The following NDFIP2 variants were observed in gnomAD, a reference collection of about 807,000 sequenced individuals.
NDFIP2 encodes the protein NEDD4 family-interacting protein 2.
In NDFIP2, 19 loss-of-function variants were observed where a neutral mutation model predicts 36.0. The ratio of observed to expected loss-of-function variants is 0.53; its 90% confidence interval spans 0.37 to 0.77. NDFIP2 has a LOEUF of 0.77. NDFIP2 is among the 30% of genes least tolerant of loss of function. The pLI, the probability that NDFIP2 is intolerant of heterozygous loss-of-function variation, is 0.00. For missense variants in NDFIP2, 446 were observed against 435.8 expected, an observed-to-expected ratio of 1.02 and a Z score of -0.21; for synonymous variants, 181 against 167.7, an observed-to-expected ratio of 1.08 and a Z score of -0.61.
chr13:79,521,406 C>T (rs9574434), intron 2 of NDFIP2, among the ~76,000 whole-genome samples: 61,980 of 151,986 alleles, frequency 0.41, 13,460 homozygotes, highest in East Asian at 0.7. Context: ...TCAGTTTGAT[C>T]AGTTTTGTAT....
intron 2 of NDFIP2, among the ~76,000 whole-genome samples, chr13:79,524,890 C>T (rs929525325): frequency 6.6e-6 from 1 of 152,162 alleles, no homozygotes; most frequent in Non-Finnish European, 1.5e-5. Context: ...ATGTTTTATG[C>T]CTTGATGCCT....
intron 1 of NDFIP2, among the ~76,000 whole-genome samples, chr13:79,496,837 TTTA>T (rs555587122): frequency 8.7e-4 from 133 of 152,150 alleles, no homozygotes; most frequent in Non-Finnish European, 1.5e-3. Context: ...TTATTTCATA[TTTA>T]TTATTTTTCC....
intron 1 of NDFIP2, among the ~76,000 whole-genome samples, chr13:79,487,651 T>A (rs1403550227): frequency 6.6e-6 from 1 of 152,182 alleles, no homozygotes; most frequent in Non-Finnish European, 1.5e-5. Flanking sequence ...CATTTTACAC[T>A]TCCACCATCA....
chr13:79,548,510 A>G, intron 6 of NDFIP2, 116 bp downstream of exon 6: 2 of 788,934 alleles, frequency 2.5e-6, no homozygotes, highest in South Asian at 1.8e-5. Context: ...AAATTCTCAT[A>G]TTCAAACACA....
At chr13:79,529,422 T>G (rs1403381797) in intron 2 of NDFIP2, among the ~76,000 whole-genome samples, 2 of 152,168 alleles carry the variant, frequency 1.3e-5, no homozygotes, top group Non-Finnish European at 2.9e-5. Context: ...GGATAATGTG[T>G]GCCATTGTTC....
chr13:79,513,018 G>T (rs1874137667), intron 1 of NDFIP2, among the ~76,000 whole-genome samples: 1 of 152,116 alleles, frequency 6.6e-6, no homozygotes, highest in South Asian at 2.1e-4. Context: ...AAATTAGCTT[G>T]GTTAATTTAC....
At chr13:79,549,520 A>G (rs939928207) in intron 6 of NDFIP2, among the ~76,000 whole-genome samples, 15 of 151,836 alleles carry the variant, frequency 9.9e-5, no homozygotes, top group Non-Finnish European at 1.3e-4. Flanking sequence ...TCTAGTGTTT[A>G]TTTATTTAGG....
Position 79,520,943 on chromosome 13 carries a change from G to A in NDFIP2, c.455G>A (p.Ser152Asn), listed in dbSNP as rs61735407. The A allele has an allele frequency of 2.6e-3, 4,223 of 1,611,598 alleles. 13 individuals carry two copies. The highest frequency in any genetic ancestry group is 3.4e-3 in the Non-Finnish European group (4,004 of 1,178,728). ...ACTGACTCTTCCCCTCCACCATATA[G>A]TAGTATTACTGTGGAAGTACCTACA... ...LETDSSPPPYSSITVEVPTTS... is the reference protein window; with the variant it reads ...LETDSSPPPYNSITVEVPTTS... Residue 152 changes from serine to asparagine, a missense_variant, in exon 2 of 8, where the codon AGT becomes AAT. Ser to Asn is a conservative substitution (Grantham distance 46). Transcript: ENST00000218652.
At chr13:79,500,827 GA>G (rs1430020578) in intron 1 of NDFIP2, among the ~76,000 whole-genome samples, 1 of 151,980 alleles carries the variant, frequency 6.6e-6, no homozygotes. Flanking sequence ...ATATTTACCC[GA>G]AGGAGTTGTA....
intron 3 of NDFIP2, among the ~76,000 whole-genome samples, chr13:79,537,843 C>T (rs1457534470): frequency 6.6e-6 from 1 of 152,082 alleles, no homozygotes; most frequent in Non-Finnish European, 1.5e-5. Flanking sequence ...TGATGTGTAC[C>T]GTATTAGTCC....
At chr13:79,541,243 C>A (rs758401433) in intron 4 of NDFIP2, among the ~76,000 whole-genome samples, 4 of 151,712 alleles carry the variant, frequency 2.6e-5, no homozygotes, top group Non-Finnish European at 4.4e-5. Flanking sequence ...ACTCAGAAGT[C>A]TTATTTCTCC....
At chr13:79,535,621 T>C (rs1875205129) in intron 3 of NDFIP2, among the ~76,000 whole-genome samples, 1 of 152,212 alleles carries the variant, frequency 6.6e-6, no homozygotes, top group African/African-American at 2.4e-5. Context: ...ACTTAGGTCT[T>C]GTAAAAAATC....
chr13:79,502,649 A>G (rs1412336917), intron 1 of NDFIP2, among the ~76,000 whole-genome samples: 6 of 152,174 alleles, frequency 3.9e-5, no homozygotes, highest in Admixed American at 3.3e-4. Flanking sequence ...AAATATTTAA[A>G]TAGTATGAGG....
intron 2 of NDFIP2, among the ~76,000 whole-genome samples, chr13:79,522,118 G>A (rs949439263): frequency 1.3e-5 from 2 of 152,104 alleles, no homozygotes; most frequent in South Asian, 2.1e-4. Flanking sequence ...GTGAGCCACC[G>A]TGCCTGGCCT....
chr13:79,510,642 TATAGTGGCAAAACAGGTAATGGG>T (rs2140754729), intron 1 of NDFIP2, among the ~76,000 whole-genome samples: 1 of 152,050 alleles, frequency 6.6e-6, no homozygotes, highest in Admixed American at 6.6e-5. Context: ...CAAAATAGGT[TATAGTGGCAAAACAGGTAATGGG>T]ATGGAGAGAA....
chr13:79,541,793 CA>C (rs1447260334), intron 4 of NDFIP2, among the ~76,000 whole-genome samples: 2 of 152,098 alleles, frequency 1.3e-5, no homozygotes, highest in Non-Finnish European at 2.9e-5. Flanking sequence ...AGTAAAATTA[CA>C]GTGAATATCA....
chr13:79,537,260 A>C (rs1334669913), intron 3 of NDFIP2, among the ~76,000 whole-genome samples: 3 of 151,902 alleles, frequency 2.0e-5, no homozygotes, highest in Admixed American at 6.6e-5. Context: ...GGAGCACGCC[A>C]CCACATCTGG....
At chr13:79,486,341 A>G (rs535742355) in intron 1 of NDFIP2, among the ~76,000 whole-genome samples, 104 of 152,346 alleles carry the variant, frequency 6.8e-4, no homozygotes, top group Non-Finnish European at 1.1e-3. Context: ...AAAGAATTGT[A>G]CAGTTAACCT....
rs140870105 is a variant in NDFIP2, at chr13:79,545,367, T to C, written c.840+1685T>C. Among the ~76,000 whole-genome samples the C allele has an allele frequency of 1.1e-3, 167 of 152,280 alleles. 1 individual carries two copies. Among genetic ancestry groups the C allele is most frequent in the Non-Finnish European group, 1.3e-3 (90 of 68,000 alleles). ...TAGATTATCTAGTTATCACCTCTAG[T>C]TGATGTGATAAGATGGGGAACTTAA... On this transcript the variant is annotated intron_variant, in intron 5 of 7. Coordinates refer to ENST00000218652, the MANE Select transcript of NDFIP2 (RefSeq NM_019080.3).
Sources: allele counts gnomAD v4.1 joint callset (sites outside exome capture counted in the v4.1 genomes callset), GRCh38; gene constraint gnomAD v4.1.1; transcripts MANE v1.5; gene names NCBI Gene and HGNC (gene_info 2026-07-23, HGNC 2026-07-21).